The following ZFYVE9 variants were observed in gnomAD, a reference collection of about 807,000 sequenced individuals.
ZFYVE9 encodes zinc finger FYVE-type containing 9.
Under a neutral mutation model 126.7 loss-of-function variants are expected in ZFYVE9, and 43 were observed. That is an observed-to-expected ratio of 0.34 (90% CI 0.27 to 0.44). The LOEUF (loss-of-function observed/expected upper bound fraction) is 0.44, where lower values mean the gene tolerates loss of function less well. Among genes scored for constraint, ZFYVE9 ranks in the 20% least tolerant of loss-of-function variants. The pLI is 1.00. For synonymous variants in ZFYVE9, 521 were observed against 597.4 expected (o/e 0.87, Z 1.87); for missense variants, 1,476 against 1,697.0 (o/e 0.87, Z 2.29).
chr1:52,346,163 T>C lies in ZFYVE9; in HGVS notation c.4220T>C (p.Leu1407Pro), dbSNP rs1459900740. ...VPVIHGGACQ[L>P]SEGPVVMELI... ...GTGATCCATGGAGGGGCCTGCCAGCTTAGTGAGGGCCCCGTTGTCATGGAA... is the reference window on the plus strand; with the variant it reads ...GTGATCCATGGAGGGGCCTGCCAGCCTAGTGAGGGCCCCGTTGTCATGGAA... Residue 1407 changes from leucine to proline, a missense_variant, in exon 19 of 19, where the codon CTT (leucine) becomes CCT (proline). This residue lies in a region of ZFYVE9 where 669 missense variants were observed against 902.4 expected (regional missense o/e 0.74). Transcript: ENST00000287727. The C allele has an allele frequency of 1.9e-6, 3 of 1,612,990 alleles. No individual in the cohort carries two copies. The African/African-American group carries it at 4.0e-5, about 22-fold the overall frequency.
intron 10 of ZFYVE9, among the ~76,000 whole-genome samples, chr1:52,284,841 C>T (rs1645842768): frequency 1.3e-5 from 2 of 152,100 alleles, no homozygotes; most frequent in Non-Finnish European, 1.5e-5. Flanking sequence ...AGTCTAAGGT[C>T]AGACTATAAT....
chr1:52,246,368 A>G (rs929466529), intron 4 of ZFYVE9, among the ~76,000 whole-genome samples: 3 of 152,206 alleles, frequency 2.0e-5, no homozygotes, highest in Admixed American at 1.3e-4. Flanking sequence ...TTTTTGGGTA[A>G]CTTGAGTTGA....
At chr1:52,243,229 T>C (rs1248780007) in intron 4 of ZFYVE9, among the ~76,000 whole-genome samples, 1 of 152,066 alleles carries the variant, frequency 6.6e-6, no homozygotes. Flanking sequence ...CCCACCCTCA[T>C]GGTATGTAAA....
intron 1 of ZFYVE9, among the ~76,000 whole-genome samples, chr1:52,198,120 G>GTTTTTTTTTTTTTTTTTTTTTTTTTTT: frequency 9.0e-6 from 1 of 111,082 alleles, no homozygotes. Flanking sequence ...GTTTTTTTTT[G>GTTTTTTTTTTTTTTTTTTTTTTTTTTT]TTTGTTTTTT....
chr1:52,267,531 TCTTC>T (rs1421301524), intron 6 of ZFYVE9, among the ~76,000 whole-genome samples: 1 of 151,982 alleles, frequency 6.6e-6, no homozygotes, highest in Non-Finnish European at 1.5e-5. Context: ...TTAAAATCAG[TCTTC>T]CTTCATTAAT....
intron 2 of ZFYVE9, among the ~76,000 whole-genome samples, chr1:52,220,134 T>G (rs925991851): frequency 6.6e-6 from 1 of 152,142 alleles, no homozygotes; most frequent in Non-Finnish European, 1.5e-5. Context: ...GGAAGGCATT[T>G]TGTCCATGGT....
intron 17 of ZFYVE9, among the ~76,000 whole-genome samples, chr1:52,341,877 C>T (rs1285574829): frequency 6.6e-6 from 1 of 152,244 alleles, no homozygotes; most frequent in Non-Finnish European, 1.5e-5. Flanking sequence ...CCCTTTGACA[C>T]ATTTTGAGCA....
At chr1:52,297,747 G>A (rs1645991942) in intron 12 of ZFYVE9, among the ~76,000 whole-genome samples, 2 of 131,740 alleles carry the variant, frequency 1.5e-5, no homozygotes, top group African/African-American at 3.3e-5. Context: ...TTTTGGGACA[G>A]AGTCTCGCAC....
chr1:52,167,498 G>A (rs1373091882), intron 1 of ZFYVE9, among the ~76,000 whole-genome samples: 1 of 151,992 alleles, frequency 6.6e-6, no homozygotes, highest in African/African-American at 2.4e-5. Flanking sequence ...CCTCGCCTTG[G>A]TAATGTTCTA....
intron 1 of ZFYVE9, among the ~76,000 whole-genome samples, chr1:52,187,755 C>T (rs550355159): frequency 6.6e-6 from 1 of 152,184 alleles, no homozygotes; most frequent in South Asian, 2.1e-4. Flanking sequence ...CAGTGAGATA[C>T]CATCTCACAC....
At chr1:52,305,802 A>T (rs1026700822) in intron 13 of ZFYVE9, among the ~76,000 whole-genome samples, 1 of 152,102 alleles carries the variant, frequency 6.6e-6, no homozygotes, top group Non-Finnish European at 1.5e-5. Flanking sequence ...CAGCCCTGGA[A>T]ATGCCTGCTC....
At chr1:52,287,748 C>G (rs1645876829) in intron 10 of ZFYVE9, among the ~76,000 whole-genome samples, 1 of 151,826 alleles carries the variant, frequency 6.6e-6, no homozygotes, top group Admixed American at 6.6e-5. Flanking sequence ...CCCTGTAATC[C>G]CAGCTACTTG....
intron 4 of ZFYVE9, among the ~76,000 whole-genome samples, chr1:52,254,562 C>G (rs957976076): frequency 6.6e-6 from 1 of 152,038 alleles, no homozygotes; most frequent in Non-Finnish European, 1.5e-5. Context: ...ATTTTTTGAG[C>G]TAATGATTCC....
At chr1:52,195,234 A>G (rs1440743736) in intron 1 of ZFYVE9, among the ~76,000 whole-genome samples, 2 of 152,158 alleles carry the variant, frequency 1.3e-5, no homozygotes, top group Admixed American at 6.5e-5. Flanking sequence ...CATTTTTTAC[A>G]CTGAAAATAT....
chr1:52,311,013 G>A (rs1428085252), intron 13 of ZFYVE9, among the ~76,000 whole-genome samples: 5 of 152,152 alleles, frequency 3.3e-5, no homozygotes, highest in African/African-American at 4.8e-5. Flanking sequence ...CTACAGGTGT[G>A]CACCACTGTG....
intron 2 of ZFYVE9, among the ~76,000 whole-genome samples, chr1:52,229,849 A>G (rs536208734): frequency 6.2e-4 from 95 of 152,250 alleles, no homozygotes; most frequent in Non-Finnish European, 1.2e-3. Flanking sequence ...ACAACCAGGA[A>G]AGATTAGGCT....
At chr1:52,307,671 G>GT (rs1646097524) in intron 13 of ZFYVE9, among the ~76,000 whole-genome samples, 2 of 151,864 alleles carry the variant, frequency 1.3e-5, no homozygotes, top group Non-Finnish European at 2.9e-5. Flanking sequence ...AAGAGTAACA[G>GT]TATTTCTTGT....
At position 52,224,107 on chromosome 1, in the gene ZFYVE9, T is replaced by C. The variant is rs543172368; in HGVS notation, c.-37+7633T>C. ...CCCCTCCTCCTAGTGGTACTTCCCT[T>C]AAGGGAAAAAGGGTTGGGGTAGACT... is the stretch of plus-strand genomic sequence containing the variant. On this transcript the variant is annotated intron_variant, in intron 2 of 18. Coordinates refer to ENST00000287727, the MANE Select transcript of ZFYVE9 (RefSeq NM_004799.4). 4.7e-4 allele frequency among the ~76,000 whole-genome samples: 71 copies of C among 152,252 alleles called. 1 individual carries two copies. The highest frequency in any genetic ancestry group is 1.6e-3 in the African/African-American group (66 of 41,552).
intron 1 of ZFYVE9, among the ~76,000 whole-genome samples, chr1:52,214,130 T>G (rs1645051314): frequency 6.6e-6 from 1 of 152,084 alleles, no homozygotes; most frequent in Admixed American, 6.6e-5. Context: ...AAGGAAAATG[T>G]AAAGTTATAA....
Sources: allele counts gnomAD v4.1 joint callset (sites outside exome capture counted in the v4.1 genomes callset), GRCh38; gene constraint gnomAD v4.1.1; regional missense constraint gnomAD v4.1.1; transcripts MANE v1.5; gene names NCBI Gene and HGNC (gene_info 2026-07-23, HGNC 2026-07-21).